NEXMIF: variants seen among roughly 807,000 people sequenced by gnomAD.
The protein encoded by NEXMIF is neurite extension and migration factor.
Under a neutral mutation model 62.1 loss-of-function variants are expected in NEXMIF, and 8 were observed. The ratio of observed to expected loss-of-function variants is 0.13; its 90% CI spans 0.08 to 0.23. The LOEUF is 0.23. NEXMIF is among the 10% of genes least tolerant of loss of function. NEXMIF has a pLI of 1.00. For missense variants in NEXMIF, 976 were observed against 1,113.3 expected (o/e 0.88, Z 1.75); for synonymous variants, 404 against 416.6 (o/e 0.97, Z 0.37).
intron 1 of NEXMIF, among the ~76,000 whole-genome samples, chrX:74,767,878 G>T (rs943266428): frequency 2.7e-5 from 3 of 112,192 alleles, no homozygotes; most frequent in Non-Finnish European, 5.6e-5. Flanking sequence ...AAGCCAGTGG[G>T]TCTTATCCTG....
chrX:74,873,223 G>C (rs907725541), intron 1 of NEXMIF, among the ~76,000 whole-genome samples: 3 of 110,026 alleles, frequency 2.7e-5, no homozygotes, highest in Admixed American at 2.0e-4. Flanking sequence ...TCCCACCTAT[G>C]AGTGAGAATA....
intron 1 of NEXMIF, among the ~76,000 whole-genome samples, chrX:74,913,918 C>T (rs1315378080): frequency 9.0e-6 from 1 of 111,462 alleles, no homozygotes; most frequent in African/African-American, 3.3e-5. Context: ...AAAGGAAGAT[C>T]TCTAACAGAA....
chrX:74,795,710 C>T (rs1432442169), intron 1 of NEXMIF, among the ~76,000 whole-genome samples: 1 of 111,341 alleles, frequency 9.0e-6, no homozygotes, highest in Non-Finnish European at 1.9e-5. Context: ...AACCAGATGT[C>T]AGAGGATCCC....
At chrX:74,886,990 A>T (rs181363232) in intron 1 of NEXMIF, among the ~76,000 whole-genome samples, 1 of 111,708 alleles carries the variant, frequency 9.0e-6, no homozygotes, top group South Asian at 3.7e-4. Flanking sequence ...CTCAGAAATA[A>T]TGCCGCGTAT....
At chrX:74,790,117 T>C (rs1215279694) in intron 1 of NEXMIF, among the ~76,000 whole-genome samples, 3 of 105,541 alleles carry the variant, frequency 2.8e-5, no homozygotes, top group Non-Finnish European at 5.9e-5. Flanking sequence ...AGGTCTAACG[T>C]TTAACTCTTT....
At position 74,743,565 on chromosome X, in the gene NEXMIF, T is replaced by C; in HGVS notation, c.992A>G (p.Glu331Gly). The C allele has an allele frequency of 8.3e-7, 1 of 1,211,707 alleles. No individual in the cohort carries two copies. The highest frequency in any genetic ancestry group is 1.1e-6 in the Non-Finnish European group (1 of 895,446). ...VRDKTTLLMQ[E>G]DAQFNFFPSV... is the part of the protein sequence containing the mutation. ...GGGAAAAAAGTTGAATTGGGCATCT[T>C]CCTGCATCAAAAGAGTAGTCTTGTC... The change falls in exon 3 of 4, where the codon GAA (glutamate) becomes GGA (glycine). Residue 331 changes from glutamate (E) to glycine (G), a missense_variant. This residue lies in a region of NEXMIF where 639 missense variants were observed against 694.5 expected (regional missense o/e 0.92). Coordinates refer to ENST00000055682, the MANE Select transcript of NEXMIF (RefSeq NM_001008537.3).
intron 1 of NEXMIF, among the ~76,000 whole-genome samples, chrX:74,829,158 T>C (rs947898866): frequency 2.7e-5 from 3 of 112,022 alleles, no homozygotes; most frequent in Non-Finnish European, 5.6e-5. Context: ...TAATGGTAAA[T>C]GGGGTATCCA....
chrX:74,856,218 T>C (rs899058715), intron 1 of NEXMIF, among the ~76,000 whole-genome samples: 2 of 112,129 alleles, frequency 1.8e-5, no homozygotes, highest in East Asian at 5.6e-4. Flanking sequence ...ATACAGACTA[T>C]GAATAAAGAC....
At position 74,743,847 on chromosome X, in the gene NEXMIF, T is replaced by C; in HGVS notation, c.710A>G (p.Glu237Gly). The change falls in exon 3 of 4, where the codon GAG (glutamate) becomes GGG (glycine). Residue 237 changes from glutamate (E) to glycine (G), a missense_variant. Physicochemically the swap from Glu to Gly is moderately conservative, Grantham distance 98. Coordinates refer to ENST00000055682, the MANE Select transcript of NEXMIF (RefSeq NM_001008537.3). Reference protein sequence around the residue: ...LEDPAQKSYYEALLLDKCNTE... With the variant: ...LEDPAQKSYYGALLLDKCNTE... The stretch of plus-strand genomic sequence containing the variant: ...ATTGCACTTGTCTAACAGTAATGCC[T>C]CATAATAGCTTTTCTGAGCCGGATC... 8.3e-7 allele frequency: 1 copy of C among 1,211,477 alleles called. No homozygotes were observed. Among genetic ancestry groups the C allele is most frequent in the Non-Finnish European group, 1.1e-6 (1 of 895,442 alleles).
intron 1 of NEXMIF, among the ~76,000 whole-genome samples, chrX:74,837,901 A>C (rs2080462360): frequency 8.9e-6 from 1 of 112,226 alleles, no homozygotes; most frequent in Admixed American, 9.5e-5. Context: ...TTTCTTATTT[A>C]AACGGCATAG....
At chrX:74,888,333 A>C (rs2080704978) in intron 1 of NEXMIF, among the ~76,000 whole-genome samples, 2 of 110,014 alleles carry the variant, frequency 1.8e-5, no homozygotes, top group African/African-American at 6.6e-5. Context: ...AAAATGTGGC[A>C]CATATACACC....
At chrX:74,778,905 G>A (rs891359090) in intron 1 of NEXMIF, among the ~76,000 whole-genome samples, 3 of 111,725 alleles carry the variant, frequency 2.7e-5, no homozygotes, top group Non-Finnish European at 3.8e-5. Flanking sequence ...GGGATTACAG[G>A]CATGAGCCAC....
chrX:74,793,344 C>T (rs1160023743), intron 1 of NEXMIF, among the ~76,000 whole-genome samples: 2 of 109,034 alleles, frequency 1.8e-5, no homozygotes, highest in African/African-American at 3.3e-5. Flanking sequence ...CCGAGAGATC[C>T]GCTGTTAGTC....
chrX:74,747,795 T>A (rs1435258196), intron 1 of NEXMIF, among the ~76,000 whole-genome samples: 1 of 111,419 alleles, frequency 9.0e-6, no homozygotes, highest in African/African-American at 3.3e-5. Flanking sequence ...TTTGTATTTT[T>A]AGTAGAGATG....
intron 1 of NEXMIF, among the ~76,000 whole-genome samples, chrX:74,804,880 T>C (rs1214858909): frequency 8.9e-6 from 1 of 112,088 alleles, no homozygotes; most frequent in Non-Finnish European, 1.9e-5. Context: ...CAGAGCATTT[T>C]AGCCTGTGTT....
At chrX:74,886,012 A>G (rs2080691245) in intron 1 of NEXMIF, among the ~76,000 whole-genome samples, 1 of 111,967 alleles carries the variant, frequency 8.9e-6, no homozygotes, top group Non-Finnish European at 1.9e-5. Flanking sequence ...ATCAATAAAC[A>G]TAATCCAGCA....
chrX:74,771,809 T>G (rs757762723), intron 1 of NEXMIF, among the ~76,000 whole-genome samples: 2 of 110,915 alleles, frequency 1.8e-5, no homozygotes, highest in African/African-American at 3.3e-5. Flanking sequence ...CAAATAAAAT[T>G]TAACTCTCAC....
chrX:74,739,879 G>T (rs776881159), intron 3 of NEXMIF: 273 of 404,952 alleles, frequency 6.7e-4, no homozygotes, highest in Non-Finnish European at 8.7e-4. Context: ...CTTATCCCTA[G>T]CCAAGCCACA....
At position 74,743,678 on chromosome X, in the gene NEXMIF, G is replaced by A. The variant is rs754351667; in HGVS notation, c.879C>T (p.Asn293=). Residue 293 remains asparagine (N), a synonymous_variant, in exon 3 of 4, where the codon AAC becomes AAT. Transcript: ENST00000055682. ...TTGATTCATCATCATCAAACATGTA[G>A]TTATCCACATCTTCTTCAGAGAATA... is the stretch of plus-strand genomic sequence containing the variant. ...VNLFSEEDVD[N]YMFDDDESTL... is the part of the protein sequence containing the mutation. The A allele has an allele frequency of 2.5e-6, 3 of 1,209,682 alleles. No homozygotes were observed. Among genetic ancestry groups the A allele is most frequent in the Non-Finnish European group, 3.4e-6 (3 of 894,796 alleles).
Sources: allele counts gnomAD v4.1 joint callset (sites outside exome capture counted in the v4.1 genomes callset), GRCh38; gene constraint gnomAD v4.1.1; regional missense constraint gnomAD v4.1.1; transcripts MANE v1.5; gene names NCBI Gene and HGNC (gene_info 2026-07-23, HGNC 2026-07-21).